Variants in PDE1A observed in about 807,000 individuals in gnomAD.
The protein encoded by PDE1A is phosphodiesterase 1A.
Under a neutral mutation model 61.7 loss-of-function variants are expected in PDE1A, and 35 were observed. The ratio of observed to expected loss-of-function variants is 0.57; its 90% CI spans 0.43 to 0.75. The LOEUF is 0.75. Ranked by LOEUF, PDE1A falls within the 30% of genes least tolerant of loss-of-function variation. The probability of loss-of-function intolerance (pLI) is 0.00; values close to 1 mark genes in which losing one functional copy is unlikely to be tolerated. For synonymous variants in PDE1A, 232 were observed against 213.2 expected (o/e 1.09, Z -0.77); for missense variants, 597 against 630.6 (o/e 0.95, Z 0.57).
chr2:182,234,596 C>CACCT (rs1262165689), intron 3 of PDE1A, 98 bp from the exon 4 acceptor site: 3 of 731,986 alleles, frequency 4.1e-6, no homozygotes, highest in Non-Finnish European at 7.0e-6. Context: ...TTGACATGTT[C>CACCT]ACCTCTTATC....
intron 2 of PDE1A, among the ~76,000 whole-genome samples, chr2:182,489,353 T>C (rs1423431458): frequency 6.6e-6 from 1 of 152,202 alleles, no homozygotes; most frequent in Non-Finnish European, 1.5e-5. Flanking sequence ...GATTTTACTC[T>C]GAGATAAAGG....
At chr2:182,531,755 G>C in the PDE1A span, among the ~76,000 whole-genome samples, 36 of 152,200 alleles carry the variant, frequency 2.4e-4, no homozygotes, top group African/African-American at 7.2e-4. Context: ...CAATGTGCAG[G>C]TTTGTTACAT....
the PDE1A span, among the ~76,000 whole-genome samples, chr2:182,680,861 A>G: frequency 1.3e-5 from 2 of 152,220 alleles, no homozygotes; most frequent in Admixed American, 6.5e-5. Context: ...TAGGCAGTGT[A>G]TAGACAGTAA....
intron 2 of PDE1A, among the ~76,000 whole-genome samples, chr2:182,443,554 T>A (rs1009630411): frequency 6.6e-6 from 1 of 152,042 alleles, no homozygotes; most frequent in African/African-American, 2.4e-5. Context: ...CTTTGCTCTG[T>A]CTCTCTCCTG....
chr2:182,152,024 G>A (rs1471525671), intron 13 of PDE1A, among the ~76,000 whole-genome samples: 1 of 152,170 alleles, frequency 6.6e-6, no homozygotes. Context: ...AAATTTAACA[G>A]CAATAATAAA....
chr2:182,612,679 C>T, the PDE1A span, among the ~76,000 whole-genome samples: 3 of 152,140 alleles, frequency 2.0e-5, no homozygotes, highest in Non-Finnish European at 2.9e-5. Context: ...ATTGGGGCCT[C>T]TATAAAGATG....
At chr2:182,354,401 T>C (rs1402051884) in intron 1 of PDE1A, among the ~76,000 whole-genome samples, 1 of 152,178 alleles carries the variant, frequency 6.6e-6, no homozygotes, top group Non-Finnish European at 1.5e-5. Context: ...ATTAGGAAGA[T>C]AACAAGCCAG....
At chr2:182,359,613 T>C (rs1332024913) in intron 1 of PDE1A, among the ~76,000 whole-genome samples, 1 of 152,148 alleles carries the variant, frequency 6.6e-6, no homozygotes. Context: ...TTTAATGAAG[T>C]ATTTTTTTGT....
chr2:182,261,603 G>A (rs541834447), intron 2 of PDE1A, among the ~76,000 whole-genome samples: 27 of 152,232 alleles, frequency 1.8e-4, no homozygotes, highest in Non-Finnish European at 3.1e-4. Flanking sequence ...GCAGGGCAGC[G>A]TTGTGCTCAA....
intron 1 of PDE1A, among the ~76,000 whole-genome samples, chr2:182,357,258 A>C (rs889278240): frequency 6.6e-6 from 1 of 152,048 alleles, no homozygotes; most frequent in Non-Finnish European, 1.5e-5. Flanking sequence ...AGAGAGAGAG[A>C]GAGAGCAAGG....
chr2:182,693,715 C>A, the PDE1A span, among the ~76,000 whole-genome samples: 5 of 150,112 alleles, frequency 3.3e-5, no homozygotes, highest in African/African-American at 1.2e-4. Flanking sequence ...GGCGCAAACT[C>A]GGCTCACTGC....
At chr2:182,212,634 C>T (rs9711046) in intron 7 of PDE1A, among the ~76,000 whole-genome samples, 59,432 of 151,870 alleles carry the variant, frequency 0.39, 11,828 homozygotes, top group East Asian at 0.63. Context: ...GTTCCCTTTC[C>T]GAGTCAAAGA....
At chr2:182,439,273 G>T (rs973023142) in intron 2 of PDE1A, among the ~76,000 whole-genome samples, 1 of 151,790 alleles carries the variant, frequency 6.6e-6, no homozygotes, top group African/African-American at 2.4e-5. Context: ...GGTGCAGGGG[G>T]GTAGTGTGAT....
chr2:182,575,542 T>A, the PDE1A span, among the ~76,000 whole-genome samples: 1 of 151,134 alleles, frequency 6.6e-6, no homozygotes, highest in Non-Finnish European at 1.5e-5. Context: ...GAAGCAAAAA[T>A]TTTGCTAGGG....
At chr2:182,352,790 C>G (rs1049716805) in intron 1 of PDE1A, among the ~76,000 whole-genome samples, 1 of 151,064 alleles carries the variant, frequency 6.6e-6, no homozygotes, top group Non-Finnish European at 1.5e-5. Context: ...ATTTTGTAAA[C>G]AAAACACAAC....
intron 2 of PDE1A, among the ~76,000 whole-genome samples, chr2:182,259,162 T>C (rs970173325): frequency 4.6e-5 from 7 of 152,300 alleles, no homozygotes; most frequent in Middle Eastern, 6.8e-3. Flanking sequence ...AAAGTACTGA[T>C]TGACATCAAT....
intron 8 of PDE1A, among the ~76,000 whole-genome samples, chr2:182,203,491 T>G (rs1686845837): frequency 6.6e-6 from 1 of 152,066 alleles, no homozygotes; most frequent in Non-Finnish European, 1.5e-5. Context: ...CTCAATTACA[T>G]TTTTTTCGCT....
At chr2:182,630,221 TGTAG>T in the PDE1A span, among the ~76,000 whole-genome samples, 2 of 152,196 alleles carry the variant, frequency 1.3e-5, no homozygotes, top group African/African-American at 2.4e-5. Flanking sequence ...TAGATTTTCC[TGTAG>T]GTGTTTCTTG....
the PDE1A span, among the ~76,000 whole-genome samples, chr2:182,708,507 G>A: frequency 2.6e-5 from 4 of 152,186 alleles, no homozygotes; most frequent in Non-Finnish European, 5.9e-5. Flanking sequence ...CTGAGACGGG[G>A]TAATTTATAA....
Sources: allele counts gnomAD v4.1 joint callset (sites outside exome capture counted in the v4.1 genomes callset), GRCh38; gene constraint gnomAD v4.1.1; transcripts MANE v1.5; gene names NCBI Gene and HGNC (gene_info 2026-07-23, HGNC 2026-07-21).